The following SRSF1 variants were observed in gnomAD, a reference collection of about 807,000 sequenced individuals.
SRSF1 encodes serine/arginine-rich splicing factor 1.
In SRSF1, 1 loss-of-function variant was observed where a neutral mutation model predicts 25.9. That is an observed-to-expected ratio of 0.04 (90% CI 0.01 to 0.18). The LOEUF (loss-of-function observed/expected upper bound fraction) is 0.18, where lower values mean the gene tolerates loss of function less well. Ranked by LOEUF, SRSF1 falls within the 10% of genes least tolerant of loss-of-function variation. The pLI, the probability that SRSF1 is intolerant of heterozygous loss-of-function variation, is 1.00. For synonymous variants in SRSF1, 132 were observed against 126.2 expected (o/e 1.05, Z -0.31); for missense variants, 65 against 350.5 (o/e 0.19, Z 6.50).
chr17:57,993,711 G>T, the SRSF1 span: 1 of 152,206 alleles, frequency 6.6e-6, no homozygotes, highest in South Asian at 2.1e-4. Context: ...GAAGAATCTA[G>T]ATTTTTTTCC....
downstream of SRSF1, among the ~76,000 whole-genome samples, chr17:58,000,264 A>G (rs1486806252): frequency 6.6e-6 from 1 of 152,168 alleles, no homozygotes; most frequent in Non-Finnish European, 1.5e-5. Flanking sequence ...TCTCAATAAC[A>G]GGAATAAGTA....
downstream of SRSF1, among the ~76,000 whole-genome samples, chr17:57,997,606 T>A (rs1032179282): frequency 2.0e-5 from 3 of 152,322 alleles, no homozygotes; most frequent in Admixed American, 6.5e-5. Context: ...GGGAGTGACA[T>A]GTTTTAAGGA....
the SRSF1 span, chr17:57,994,132 GAA>G: frequency 6.6e-6 from 1 of 152,202 alleles, no homozygotes; most frequent in Non-Finnish European, 1.5e-5. Flanking sequence ...CCTCACATAT[GAA>G]AAGATATTTT....
the SRSF1 span, chr17:57,992,186 A>G: frequency 6.6e-6 from 1 of 152,236 alleles, no homozygotes; most frequent in African/African-American, 2.4e-5. Flanking sequence ...CTTTAATGAC[A>G]GGGAGAATAT....
chr17:57,998,279 T>A (rs1404901187), downstream of SRSF1, among the ~76,000 whole-genome samples: 3 of 152,192 alleles, frequency 2.0e-5, no homozygotes, highest in African/African-American at 7.2e-5. Flanking sequence ...TCTACCACCG[T>A]TAAGGGTAGA....
At chr17:58,006,255 A>T in intron 2 of SRSF1, 88 bp downstream of exon 2, 1 of 1,463,576 alleles carries the variant, frequency 6.8e-7, no homozygotes, top group Non-Finnish European at 9.2e-7. Flanking sequence ...AGCATGAAAA[A>T]TTTGCAATTA....
At chr17:58,006,827 T>C in intron 1 of SRSF1, 117 bp downstream of exon 1, 2 of 1,271,884 alleles carry the variant, frequency 1.6e-6, no homozygotes, top group Non-Finnish European at 1.1e-6. Context: ...GGCGATACAG[T>C]CTCGCCCCAA....
chr17:58,006,345 G>T lies in SRSF1; in HGVS notation c.377C>A (p.Ser126Tyr). 1 of 1,611,040 alleles carries T rather than the reference G, an allele frequency of 6.2e-7. No individual in the cohort carries two copies. Among genetic ancestry groups the T allele is most frequent in the Non-Finnish European group, 8.5e-7 (1 of 1,178,622 alleles). Residue 126 changes from serine (S) to tyrosine (Y), a missense_variant and splice_region_variant, in exon 2 of 4, where the codon TCT (serine) becomes TAT (tyrosine). By Grantham distance (144) the Ser-to-Tyr change is moderately radical (BLOSUM62 -2). Around this residue, in one of 2 missense-constraint regions of SRSF1, gnomAD observed 63 missense variants for 284.8 expected, o/e 0.22. Coordinates refer to ENST00000258962, the MANE Select transcript of SRSF1 (RefSeq NM_006924.5). ...ATCCACACAACCAGTACACTCACCA[G>T]AGACAACCACTCTGTTTTCAGACCG... Reference protein sequence around the residue: ...SRRSENRVVVSGLPPSGSWQD... With the variant: ...SRRSENRVVVYGLPPSGSWQD...
In SRSF1 at chr17:58,005,837, A is replaced by C. The variant is rs1270812831; in HGVS notation, c.516T>G (p.Val172=). 6.2e-7 allele frequency: 1 copy of C among 1,614,164 alleles called. No individual in the cohort carries two copies. The highest frequency in any genetic ancestry group is 1.7e-5 in the Admixed American group (1 of 60,006). ...FVRKEDMTYA[V]RKLDNTKFRS... ...TAAACTTAGTGTTATCCAGTTTTCGAACTGCATAGGTCATATCTTCTTTCC... is the reference window on the plus strand; with the variant it reads ...TAAACTTAGTGTTATCCAGTTTTCGCACTGCATAGGTCATATCTTCTTTCC... Residue 172 remains valine, a synonymous_variant, in exon 3 of 4, where the codon GTT becomes GTG. Coordinates refer to ENST00000258962, the MANE Select transcript of SRSF1 (RefSeq NM_006924.5). This position sits in a 1 kb window ranked among gnomAD's most constrained non-coding sequence, Gnocchi z 5.2.
chr17:57,996,248 G>C (rs1340260300), downstream of SRSF1, among the ~76,000 whole-genome samples: 1 of 152,090 alleles, frequency 6.6e-6, no homozygotes, highest in Admixed American at 6.5e-5. Context: ...ACTTTGGGAG[G>C]CCGAAGCGGG....
intron 2 of SRSF1, 150 bp downstream of exon 2, chr17:58,006,193 C>A (rs1196705837): frequency 1.8e-6 from 2 of 1,087,256 alleles, no homozygotes; most frequent in East Asian, 5.1e-5. Flanking sequence ...ATCACCACAG[C>A]AGCAATCCTC....
downstream of SRSF1, among the ~76,000 whole-genome samples, chr17:57,996,034 T>C (rs762002837): frequency 2.0e-5 from 3 of 152,190 alleles, no homozygotes; most frequent in Non-Finnish European, 4.4e-5. Context: ...ATTCTAAGAA[T>C]ATGCATGATC....
At chr17:57,994,132 G>A in the SRSF1 span, 31 of 152,320 alleles carry the variant, frequency 2.0e-4, no homozygotes, top group East Asian at 5.6e-3. Flanking sequence ...CCTCACATAT[G>A]AAAAGATATT....
chr17:57,992,363 G>A, the SRSF1 span: 1 of 152,122 alleles, frequency 6.6e-6, no homozygotes, highest in African/African-American at 2.4e-5. Flanking sequence ...CCAGGACAGG[G>A]TAATGGCTGA....
At position 58,006,347 on chromosome 17, in the gene SRSF1, G is replaced by C. The variant is rs748436001; in HGVS notation, c.375C>G (p.Val125=). Residue 125 remains valine, a synonymous_variant, in exon 2 of 4, where the codon GTC becomes GTG. Transcript: ENST00000258962. ...PSRRSENRVV[V]SGLPPSGSWQ... ...CCACACAACCAGTACACTCACCAGAGACAACCACTCTGTTTTCAGACCGCC... is the reference window on the plus strand; with the variant it reads ...CCACACAACCAGTACACTCACCAGACACAACCACTCTGTTTTCAGACCGCC... The C allele has an allele frequency of 1.9e-6, 3 of 1,611,276 alleles. No individual in the cohort carries two copies. The Admixed American group carries it at 5.0e-5, about 27-fold the overall frequency.
the SRSF1 span, chr17:57,989,827 A>G: frequency 2.5e-6 from 1 of 398,314 alleles, no homozygotes; most frequent in African/African-American, 2.1e-5. Context: ...AAATGATGAA[A>G]GAGTTTCTGA....
chr17:57,994,473 GTT>G, the SRSF1 span: 2 of 152,146 alleles, frequency 1.3e-5, no homozygotes, highest in African/African-American at 4.8e-5. Flanking sequence ...TGGCTTAGGA[GTT>G]TGAGATAAAA....
At position 58,002,344 on chromosome 17, in the gene SRSF1, A is replaced by G. The variant is rs2075397566; in HGVS notation, c.*3062T>C. ...TCTACCGATTGGGGTGACCTTACAC[A>G]TTTCTTCCACTACCAAGATTTCTGG... On this transcript the variant is annotated 3_prime_UTR_variant, in exon 4 of 4. Transcript: ENST00000258962. Among the ~76,000 whole-genome samples the G allele has an allele frequency of 6.6e-6, 1 of 152,198 alleles. No individual in the cohort carries two copies. The highest frequency in any genetic ancestry group is 2.4e-5 in the African/African-American group (1 of 41,448).
At chr17:57,998,409 C>A (rs1478890202), downstream of SRSF1, among the ~76,000 whole-genome samples, 1 of 152,118 alleles carries the variant, frequency 6.6e-6, no homozygotes, top group Non-Finnish European at 1.5e-5. Flanking sequence ...CCCAAAATGA[C>A]ATATAAAGAC....
Sources: gnomAD v4.1 joint callset for allele counts (sites outside exome capture counted in the v4.1 genomes callset) on GRCh38, gnomAD v4.1.1 for gene constraint, gnomAD v4.1.1 regional missense constraint, Gnocchi (gnomAD v3.1) non-coding constraint, MANE v1.5 for transcripts, NCBI Gene and HGNC (gene_info 2026-07-23, HGNC 2026-07-21) for gene names.